EBF2: variants seen among roughly 807,000 people sequenced by gnomAD.
The protein encoded by EBF2 is EBF transcription factor 2, also known as transcription factor COE2.
A neutral mutation model predicts 72.8 loss-of-function variants in EBF2; 21 were observed. The observed-to-expected ratio is 0.29, with a 90% CI of 0.20 to 0.42. EBF2 has a LOEUF of 0.42. Among genes scored for constraint, EBF2 ranks in the 10% least tolerant of loss-of-function variants. EBF2 has a pLI of 1.00. For synonymous variants in EBF2, 299 were observed against 274.2 expected (o/e 1.09, Z -0.89); for missense variants, 637 against 731.2 (o/e 0.87, Z 1.49).
At chr8:26,014,991 C>A (rs1211170684) in intron 6 of EBF2, among the ~76,000 whole-genome samples, 1 of 152,126 alleles carries the variant, frequency 6.6e-6, no homozygotes, top group East Asian at 1.9e-4. Flanking sequence ...GGAAAGATAG[C>A]AAATGTCAGG....
In EBF2 at chr8:25,844,317, A is replaced by G. The variant is rs1162328329; in HGVS notation, c.*292T>C. ...ATTTTTTCTTAAATATTTTACAAAC[A>G]TAGGAAGGTGGTTTTCATAATGTTC... is the stretch of plus-strand genomic sequence containing the variant. On this transcript the variant is annotated 3_prime_UTR_variant, in exon 16 of 16. Transcript: ENST00000520164. The G allele has an allele frequency of 3.7e-6, 1 of 273,406 alleles. No individual in the cohort carries two copies. The highest frequency in any genetic ancestry group is 6.4e-5 in the East Asian group (1 of 15,684). 16.9% of individuals were successfully genotyped at this position (273,406 alleles called of 1,614,324 possible). A position where few individuals can be genotyped will look rare whatever the true frequency, so the allele number is the denominator to read the frequency against.
At chr8:25,993,636 G>A (rs1804579213) in intron 6 of EBF2, among the ~76,000 whole-genome samples, 1 of 152,142 alleles carries the variant, frequency 6.6e-6, no homozygotes, top group South Asian at 2.1e-4. Context: ...CAGCAACCGG[G>A]GGAAACTGCA....
At chr8:25,954,611 C>A (rs1431625502) in intron 6 of EBF2, among the ~76,000 whole-genome samples, 1 of 152,172 alleles carries the variant, frequency 6.6e-6, no homozygotes, top group Non-Finnish European at 1.5e-5. Flanking sequence ...GTTGCACCAC[C>A]GTTTCCCACA....
chr8:25,955,807 T>G (rs772771136), intron 6 of EBF2, among the ~76,000 whole-genome samples: 1 of 152,154 alleles, frequency 6.6e-6, no homozygotes, highest in Non-Finnish European at 1.5e-5. Flanking sequence ...AGTGCTACCT[T>G]CTGTGTTTGG....
At chr8:25,905,491 A>AT in intron 7 of EBF2, among the ~76,000 whole-genome samples, 1 of 151,686 alleles carries the variant, frequency 6.6e-6, no homozygotes, top group Non-Finnish European at 1.5e-5. Context: ...CATACAATGG[A>AT]ATAGTCAAGC....
At chr8:26,033,386 C>T (rs574117771) in intron 5 of EBF2, among the ~76,000 whole-genome samples, 11 of 152,266 alleles carry the variant, frequency 7.2e-5, no homozygotes, top group South Asian at 4.1e-4. Flanking sequence ...TGTGCCACCG[C>T]GCCCAGCTAA....
intron 10 of EBF2, among the ~76,000 whole-genome samples, chr8:25,883,298 C>T (rs949101011): frequency 2.6e-5 from 4 of 152,184 alleles, no homozygotes; most frequent in African/African-American, 7.2e-5. Flanking sequence ...TTGCTACCTC[C>T]TCTGGGAAGC....
At chr8:25,986,000 T>TAAAAAAAAAAAAAAAA (rs1804445550) in intron 6 of EBF2, among the ~76,000 whole-genome samples, 1 of 2,520 alleles carries the variant, frequency 4.0e-4, no homozygotes. Flanking sequence ...AAACTCTGTC[T>TAAAAAAAAAAAAAAAA]CAAAAAAAAA....
chr8:25,856,131 G>A (rs1212888238), intron 14 of EBF2, among the ~76,000 whole-genome samples: 2 of 152,122 alleles, frequency 1.3e-5, no homozygotes, highest in South Asian at 2.1e-4. Flanking sequence ...ACACCTAACT[G>A]TGCATTTTCA....
intron 10 of EBF2, among the ~76,000 whole-genome samples, chr8:25,880,460 T>C (rs2117283127): frequency 6.6e-6 from 1 of 152,368 alleles, no homozygotes; most frequent in African/African-American, 2.4e-5. Flanking sequence ...CCTAACTAGT[T>C]GGCCCAACAC....
intron 14 of EBF2, among the ~76,000 whole-genome samples, chr8:25,853,236 ACTT>A (rs1245900768): frequency 6.6e-6 from 1 of 152,154 alleles, no homozygotes; most frequent in Non-Finnish European, 1.5e-5. Flanking sequence ...ATAATGAAAA[ACTT>A]CTGCAACAAA....
At chr8:25,961,125 C>T (rs977462229) in intron 6 of EBF2, among the ~76,000 whole-genome samples, 21 of 152,086 alleles carry the variant, frequency 1.4e-4, no homozygotes, top group South Asian at 4.2e-4. Flanking sequence ...AAAGAAAAAT[C>T]GCAGAAAGTA....
intron 6 of EBF2, among the ~76,000 whole-genome samples, chr8:25,909,378 T>C (rs1172762737): frequency 2.0e-5 from 3 of 150,526 alleles, no homozygotes; most frequent in African/African-American, 4.9e-5. Context: ...AAGTTTTTCA[T>C]TTATTTCACT....
intron 6 of EBF2, among the ~76,000 whole-genome samples, chr8:25,962,086 C>A (rs553164009): frequency 1.3e-5 from 2 of 152,146 alleles, no homozygotes; most frequent in Admixed American, 6.5e-5. Flanking sequence ...CAGGGAGGAA[C>A]GTGCATTCTG....
chr8:25,977,218 G>C (rs1267396204), intron 6 of EBF2, among the ~76,000 whole-genome samples: 4 of 152,184 alleles, frequency 2.6e-5, no homozygotes, highest in Non-Finnish European at 5.9e-5. Context: ...GAAGGGCAGG[G>C]CGGGGTTTCA....
Position 25,850,623 on chromosome 8 carries a change from C to G in EBF2, c.1667G>C (p.Cys556Ser). The G allele has an allele frequency of 6.4e-7, 1 of 1,563,202 alleles. No individual in the cohort carries two copies. The highest frequency in any genetic ancestry group is 8.6e-7 in the Non-Finnish European group (1 of 1,162,766). ...GAATCCATTTCCATTGCCGCTGGAG[C>G]AGGCAGGTGAAGGGGAGCCTTGGGG... ...IRPQGSPSPA[C>S]SSGNGNGFRA... is the part of the protein sequence containing the mutation. The change falls in exon 15 of 16, where the codon TGC becomes TCC. Residue 556 changes from cysteine to serine, a missense_variant. Physicochemically the swap from Cys to Ser is moderately radical, Grantham distance 112. Around this residue, in one of 3 missense-constraint regions of EBF2, gnomAD observed 259 missense variants for 268.1 expected, o/e 0.97. Coordinates refer to ENST00000520164, the MANE Select transcript of EBF2 (RefSeq NM_022659.4).
At chr8:25,878,550 C>T (rs1345130662) in intron 10 of EBF2, among the ~76,000 whole-genome samples, 1 of 152,166 alleles carries the variant, frequency 6.6e-6, no homozygotes, top group Non-Finnish European at 1.5e-5. Context: ...AGGAGGCCAC[C>T]AACCTATTTC....
intron 6 of EBF2, among the ~76,000 whole-genome samples, chr8:25,952,852 G>GT (rs996948139): frequency 8.6e-5 from 13 of 151,442 alleles, no homozygotes; most frequent in East Asian, 5.8e-4. Context: ...AGGCTTTGGG[G>GT]TTTTTTTTTC....
intron 5 of EBF2, among the ~76,000 whole-genome samples, chr8:26,033,716 CT>C: frequency 6.6e-6 from 1 of 151,622 alleles, no homozygotes; most frequent in East Asian, 2.0e-4. Context: ...TGTAACAAAC[CT>C]ATACGTCCTG....
Sources: gnomAD v4.1 joint callset for allele counts (sites outside exome capture counted in the v4.1 genomes callset) on GRCh38, gnomAD v4.1.1 for gene constraint, gnomAD v4.1.1 regional missense constraint, MANE v1.5 for transcripts, NCBI Gene and HGNC (gene_info 2026-07-23, HGNC 2026-07-21) for gene names.